SLC24A3: variants seen among roughly 807,000 people sequenced by gnomAD.
SLC24A3 encodes the protein solute carrier family 24 member 3.
A neutral mutation model predicts 75.8 loss-of-function variants in SLC24A3; 28 were observed. The observed-to-expected ratio is 0.37, with a 90% confidence interval of 0.27 to 0.51. The LOEUF is 0.51. SLC24A3 is among the 20% of genes least tolerant of loss of function. The pLI, the probability that SLC24A3 is intolerant of heterozygous loss-of-function variation, is 0.94. For missense variants in SLC24A3, 663 were observed against 847.8 expected (o/e 0.78, Z 2.71); for synonymous variants, 372 against 334.1 (o/e 1.11, Z -1.24).
chr20:19,307,150 T>A (rs887683696), intron 2 of SLC24A3, among the ~76,000 whole-genome samples: 2 of 152,240 alleles, frequency 1.3e-5, no homozygotes, highest in East Asian at 1.9e-4. Context: ...ATCAGTTGGA[T>A]GAAAACATCC....
At chr20:19,602,612 C>T (rs2031541599) in intron 6 of SLC24A3, among the ~76,000 whole-genome samples, 1 of 152,184 alleles carries the variant, frequency 6.6e-6, no homozygotes, top group Non-Finnish European at 1.5e-5. Context: ...ACACTGTATA[C>T]TATTATATAT....
chr20:19,487,845 A>G (rs1320206438), intron 2 of SLC24A3, among the ~76,000 whole-genome samples: 1 of 152,252 alleles, frequency 6.6e-6, no homozygotes, highest in Admixed American at 6.5e-5. Context: ...CTTTATTCCA[A>G]GCCTTCTTAA....
At chr20:19,225,799 C>G (rs2122139781) in intron 1 of SLC24A3, among the ~76,000 whole-genome samples, 1 of 152,256 alleles carries the variant, frequency 6.6e-6, no homozygotes. Context: ...TAGTATTCCA[C>G]TATACAGATG....
rs188787892 is a variant in SLC24A3 at position 19,352,448 on chromosome 20, G to A, written c.271+71361G>A. On this transcript the variant is annotated intron_variant, in intron 2 of 16. Transcript: ENST00000328041. ...GACAAAGGAAACTAACATTATTAAC[G>A]GCTGCTGTGAGTAGGTGCAGTGTGG... Among the ~76,000 whole-genome samples, 94 of 152,244 alleles carry A rather than the reference G, an allele frequency of 6.2e-4. No individual in the cohort carries two copies. The South Asian group carries it at 0.01, about 16-fold the overall frequency.
intron 1 of SLC24A3, among the ~76,000 whole-genome samples, chr20:19,265,095 T>C (rs896207398): frequency 3.3e-5 from 5 of 152,186 alleles, no homozygotes; most frequent in Non-Finnish European, 7.3e-5. Flanking sequence ...AACACTATAT[T>C]GCAACGTAAA....
intron 1 of SLC24A3, among the ~76,000 whole-genome samples, chr20:19,269,698 G>A (rs1272624605): frequency 2.0e-5 from 3 of 152,202 alleles, no homozygotes; most frequent in South Asian, 2.1e-4. Context: ...GTGTCATTCA[G>A]TATAATGGTA....
chr20:19,693,215 G>GTTA (rs11473178), intron 12 of SLC24A3, 44 bp from the exon 13 acceptor site: 70,590 of 1,567,170 alleles, frequency 0.045, 3,288 homozygotes, highest in East Asian at 0.23. Context: ...GGGGTTCTTT[G>GTTA]TTATTTTTTT....
At chr20:19,491,364 C>T (rs968122417) in intron 2 of SLC24A3, among the ~76,000 whole-genome samples, 1 of 152,214 alleles carries the variant, frequency 6.6e-6, no homozygotes, top group Non-Finnish European at 1.5e-5. Flanking sequence ...ATGGTTCTTT[C>T]GACATGCTTG....
intron 2 of SLC24A3, among the ~76,000 whole-genome samples, chr20:19,469,877 C>A (rs1600242685): frequency 6.6e-6 from 1 of 152,276 alleles, no homozygotes; most frequent in Non-Finnish European, 1.5e-5. Flanking sequence ...TGTCATCTTG[C>A]CAACCTCGAC....
In SLC24A3 at chr20:19,561,531, C is replaced by T. The variant is rs769344468; in HGVS notation, c.349-18469C>T. ...TGGAAGTAGCCCCCACAGATGCAGT[C>T]GAAGAATAAGCCTGCTGACCTTTCC... On this transcript the variant is annotated intron_variant, in intron 3 of 16. Transcript: ENST00000328041. Among the ~76,000 whole-genome samples the T allele has an allele frequency of 5.3e-5, 8 of 152,222 alleles. No homozygotes were observed. In the East Asian group the frequency reaches 9.7e-4, roughly 18 times the overall value.
intron 2 of SLC24A3, among the ~76,000 whole-genome samples, chr20:19,343,088 A>AAAAAAAAG: frequency 6.8e-6 from 1 of 147,242 alleles, no homozygotes. Flanking sequence ...AAAAAAAGAA[A>AAAAAAAAG]AAAGAAAAAG....
Position 19,574,439 on chromosome 20 carries a change from A to T in SLC24A3, c.349-5561A>T, listed in dbSNP as rs547688425. Among the ~76,000 whole-genome samples, 15 of 152,320 alleles carry T rather than the reference A, an allele frequency of 9.8e-5. No individual in the cohort carries two copies. The South Asian group carries it at 2.7e-3, about 27-fold the overall frequency. On this transcript the variant is annotated intron_variant, in intron 3 of 16. Transcript: ENST00000328041. ...CAACTTCAGTGACATACAATAAACA[A>T]TTCATTGGTTCATGGGTTTTTCTGG... is the stretch of plus-strand genomic sequence containing the variant.
intron 2 of SLC24A3, among the ~76,000 whole-genome samples, chr20:19,307,448 A>T (rs1984359287): frequency 6.6e-6 from 1 of 152,246 alleles, no homozygotes; most frequent in African/African-American, 2.4e-5. Context: ...GTAGATGAGA[A>T]AAGATAAAAC....
intron 2 of SLC24A3, among the ~76,000 whole-genome samples, chr20:19,354,867 A>G (rs1287059142): frequency 6.6e-6 from 1 of 152,128 alleles, no homozygotes; most frequent in Non-Finnish European, 1.5e-5. Flanking sequence ...GAATTCTCCC[A>G]ATGCATGCTA....
chr20:19,452,905 C>T (rs1302396208), intron 2 of SLC24A3, among the ~76,000 whole-genome samples: 1 of 152,072 alleles, frequency 6.6e-6, no homozygotes, highest in Non-Finnish European at 1.5e-5. Flanking sequence ...CCACCTGTAC[C>T]AGGCGCGGTG....
At chr20:19,622,583 C>T (rs1275109351) in intron 6 of SLC24A3, among the ~76,000 whole-genome samples, 1 of 152,188 alleles carries the variant, frequency 6.6e-6, no homozygotes, top group Non-Finnish European at 1.5e-5. Flanking sequence ...TCATTCACAA[C>T]ACACCATGCT....
intron 2 of SLC24A3, among the ~76,000 whole-genome samples, chr20:19,470,763 T>C (rs1987857644): frequency 6.6e-6 from 1 of 152,344 alleles, no homozygotes; most frequent in South Asian, 2.1e-4. Context: ...CACGTATGCA[T>C]GTTAGTTCAT....
At chr20:19,643,154 G>A (rs1188165862) in intron 6 of SLC24A3, among the ~76,000 whole-genome samples, 7 of 152,086 alleles carry the variant, frequency 4.6e-5, no homozygotes, top group Admixed American at 3.3e-4. Context: ...GACGGTGGCC[G>A]GCATCTGCAC....
intron 2 of SLC24A3, among the ~76,000 whole-genome samples, chr20:19,399,726 T>C (rs1416804139): frequency 6.6e-6 from 1 of 152,204 alleles, no homozygotes; most frequent in Non-Finnish European, 1.5e-5. Context: ...TTTCTGCTGT[T>C]GTTGGATGGA....
Sources: allele counts gnomAD v4.1 joint callset (sites outside exome capture counted in the v4.1 genomes callset), GRCh38; gene constraint gnomAD v4.1.1; transcripts MANE v1.5; gene names NCBI Gene and HGNC (gene_info 2026-07-23, HGNC 2026-07-21).